The following IGSF21 variants were observed in gnomAD, a reference collection of about 807,000 sequenced individuals.
The protein encoded by IGSF21 is immunoglobin superfamily member 21.
A neutral mutation model predicts 46.8 loss-of-function variants in IGSF21; 28 were observed. That is an observed-to-expected ratio of 0.60 (90% CI 0.44 to 0.82). The LOEUF (loss-of-function observed/expected upper bound fraction) is 0.82, where lower values mean the gene tolerates loss of function less well. IGSF21 is among the 40% of genes least tolerant of loss of function. IGSF21 has a pLI of 0.00. For synonymous variants in IGSF21, 284 were observed against 273.6 expected, an observed-to-expected ratio of 1.04 and a Z score of -0.38; for missense variants, 624 against 665.5, an observed-to-expected ratio of 0.94 and a Z score of 0.69.
chr1:18,165,793 G>A (rs1339491609), intron 1 of IGSF21, among the ~76,000 whole-genome samples: 1 of 152,242 alleles, frequency 6.6e-6, no homozygotes, highest in Admixed American at 6.5e-5. Flanking sequence ...GTCCAAGCAA[G>A]CATTAAGTCA....
At chr1:18,263,717 A>G (rs72655163) in intron 2 of IGSF21, among the ~76,000 whole-genome samples, 56 of 152,300 alleles carry the variant, frequency 3.7e-4, no homozygotes, top group Non-Finnish European at 6.8e-4. Context: ...GGGGCCCTGC[A>G]GAGTCAGACA....
intron 3 of IGSF21, among the ~76,000 whole-genome samples, chr1:18,304,730 TACACACAC>T (rs59328124): frequency 7.8e-6 from 1 of 128,382 alleles, no homozygotes; most frequent in Non-Finnish European, 1.7e-5. Flanking sequence ...CACACACACA[TACACACAC>T]ACACACACAT....
rs1480606637 is a variant in IGSF21 at position 18,290,031 on chromosome 1, C to A, written c.184-1835C>A. Among the ~76,000 whole-genome samples the A allele has an allele frequency of 6.6e-6, 1 of 152,166 alleles. No homozygotes were observed. Among genetic ancestry groups the A allele is most frequent in the Non-Finnish European group, 1.5e-5 (1 of 68,034 alleles). ...CAAGTACAGCCAACTCTCTTCTCCA[C>A]CCCATGCCAAGCTGGACACAGTCAA... On this transcript the variant is annotated intron_variant, in intron 2 of 9. Coordinates refer to ENST00000251296, the MANE Select transcript of IGSF21 (RefSeq NM_032880.5). This position sits in a 1 kb window ranked among gnomAD's most constrained non-coding sequence, Gnocchi z 4.2.
At chr1:18,321,709 C>T (rs1011985138) in intron 3 of IGSF21, among the ~76,000 whole-genome samples, 12 of 152,298 alleles carry the variant, frequency 7.9e-5, no homozygotes, top group Middle Eastern at 3.4e-3. Flanking sequence ...CCACCGTAAT[C>T]GCCTCCCAAA....
chr1:18,328,899 G>A (rs2085684607), intron 3 of IGSF21, among the ~76,000 whole-genome samples: 1 of 152,174 alleles, frequency 6.6e-6, no homozygotes, highest in African/African-American at 2.4e-5. Flanking sequence ...GTGGGGCGTG[G>A]AGAATGTGCA....
At chr1:18,269,411 A>C (rs939735332) in intron 2 of IGSF21, among the ~76,000 whole-genome samples, 3 of 152,068 alleles carry the variant, frequency 2.0e-5, no homozygotes, top group Non-Finnish European at 4.4e-5. Flanking sequence ...GACTTGTTGG[A>C]GGAGGAGGAG....
intron 2 of IGSF21, among the ~76,000 whole-genome samples, chr1:18,287,194 A>AAATAAATAAATAAATAAATAAAT (rs60840997): frequency 1.6e-5 from 2 of 124,836 alleles, no homozygotes; most frequent in Admixed American, 7.7e-5. Context: ...AAAAAAAAAT[A>AAATAAATAAATAAATAAATAAAT]AAATAAATAA....
chr1:18,208,978 A>G lies in IGSF21; in HGVS notation c.71-18920A>G, dbSNP rs373597424. 2.8e-3 allele frequency among the ~76,000 whole-genome samples: 433 copies of G among 152,280 alleles called. 20 individuals are homozygous for G. In the South Asian group the frequency reaches 0.081, roughly 29 times the overall value. ...TCAAGAAAAAGCAAAGCTAATCTAT[A>G]TGGAGAAGCCAGCATAGAAGTTATC... On this transcript the variant is annotated intron_variant, in intron 1 of 9. Transcript: ENST00000251296.
chr1:18,211,225 G>T (rs947309818), intron 1 of IGSF21, among the ~76,000 whole-genome samples: 4 of 152,174 alleles, frequency 2.6e-5, no homozygotes, highest in African/African-American at 9.7e-5. Flanking sequence ...ATCTCCCTGG[G>T]CCAGTCGGGC....
At chr1:18,259,478 G>A (rs940127999) in intron 2 of IGSF21, among the ~76,000 whole-genome samples, 2 of 152,264 alleles carry the variant, frequency 1.3e-5, no homozygotes, top group East Asian at 1.9e-4. Flanking sequence ...TCTGAAAAAG[G>A]CCACTGGGTT....
At chr1:18,303,339 C>T (rs1464214545) in intron 3 of IGSF21, among the ~76,000 whole-genome samples, 3 of 152,160 alleles carry the variant, frequency 2.0e-5, no homozygotes, top group Non-Finnish European at 2.9e-5. Context: ...AGAAGAGAAG[C>T]GACTTGCACA....
intron 2 of IGSF21, among the ~76,000 whole-genome samples, chr1:18,259,520 TC>T (rs1257218992): frequency 1.3e-5 from 2 of 152,172 alleles, no homozygotes; most frequent in African/African-American, 4.8e-5. Flanking sequence ...TGGAAGGAAG[TC>T]CCCCTACAAA....
chr1:18,277,142 A>T (rs913650332), intron 2 of IGSF21, among the ~76,000 whole-genome samples: 2 of 152,190 alleles, frequency 1.3e-5, no homozygotes, highest in African/African-American at 4.8e-5. Context: ...ATTGTGCAGA[A>T]CAAAGAAAAG....
chr1:18,154,797 C>G (rs987284916), intron 1 of IGSF21, among the ~76,000 whole-genome samples: 1 of 152,050 alleles, frequency 6.6e-6, no homozygotes, highest in Admixed American at 6.5e-5. Flanking sequence ...CTCTTTCCCT[C>G]CCTTCCTTTC....
intron 2 of IGSF21, among the ~76,000 whole-genome samples, chr1:18,257,756 C>A (rs1474127575): frequency 6.6e-6 from 1 of 152,176 alleles, no homozygotes; most frequent in Non-Finnish European, 1.5e-5. Context: ...GCACAGACAT[C>A]TACAAAAAGG....
rs75612117 is a variant in IGSF21 at position 18,118,519 on chromosome 1, G to T, written c.70+10321G>T. ...AGAGCTGAAGGAAGGCCAGGTGTCT[G>T]GTTCTACAGAAGCAGGTGATGAGTT... On this transcript the variant is annotated intron_variant, in intron 1 of 9. Transcript: ENST00000251296. 1.6e-3 allele frequency among the ~76,000 whole-genome samples: 251 copies of T among 152,358 alleles called. 6 individuals carry two copies. The East Asian group carries it at 0.029, about 18-fold the overall frequency.
chr1:18,121,493 T>C (rs2086233064), intron 1 of IGSF21, among the ~76,000 whole-genome samples: 1 of 152,164 alleles, frequency 6.6e-6, no homozygotes, highest in African/African-American at 2.4e-5. Context: ...TTTTGTCCGT[T>C]GAAATTCATG....
At chr1:18,296,431 G>A (rs1475250015) in intron 3 of IGSF21, among the ~76,000 whole-genome samples, 1 of 152,188 alleles carries the variant, frequency 6.6e-6, no homozygotes, top group African/African-American at 2.4e-5. Context: ...TTGGATGAAG[G>A]GTGGGGAGTC....
At chr1:18,193,978 A>T (rs12096739) in intron 1 of IGSF21, among the ~76,000 whole-genome samples, 3,666 of 152,316 alleles carry the variant, frequency 0.024, 163 homozygotes, top group African/African-American at 0.081. Flanking sequence ...GGGTTGGACT[A>T]GTCAGCCTCA....
Sources: allele counts gnomAD v4.1 joint callset (sites outside exome capture counted in the v4.1 genomes callset), GRCh38; gene constraint gnomAD v4.1.1; non-coding constraint Gnocchi (gnomAD v3.1); transcripts MANE v1.5; gene names NCBI Gene and HGNC (gene_info 2026-07-23, HGNC 2026-07-21).